The following NUCB2 variants were observed in gnomAD, a reference collection of about 807,000 sequenced individuals.
NUCB2 encodes the protein nucleobindin 2.
A neutral mutation model predicts 57.9 loss-of-function variants in NUCB2; 48 were observed. The ratio of observed to expected loss-of-function variants is 0.83; its 90% CI spans 0.66 to 1.05. NUCB2 has a LOEUF of 1.05. Among genes scored for constraint, NUCB2 ranks in the 50% least tolerant of loss-of-function variants. NUCB2 has a pLI of 0.00. For synonymous variants in NUCB2, 139 were observed against 152.1 expected (o/e 0.91, Z 0.64); for missense variants, 442 against 476.2 (o/e 0.93, Z 0.67).
chr11:17,297,219 G>A (rs528670393), intron 4 of NUCB2, among the ~76,000 whole-genome samples: 323 of 151,940 alleles, frequency 2.1e-3, no homozygotes, highest in Non-Finnish European at 3.7e-3. Flanking sequence ...ATTTATTTAA[G>A]TTTTACTTTC....
intron 11 of NUCB2, among the ~76,000 whole-genome samples, chr11:17,322,488 G>GT (rs1448137348): frequency 6.6e-6 from 1 of 152,022 alleles, no homozygotes; most frequent in Non-Finnish European, 1.5e-5. Flanking sequence ...GTGTTTTGGT[G>GT]ACTATAGTTT....
chr11:17,334,560 T>C (rs1951654480), downstream of NUCB2: 1 of 152,284 alleles, frequency 6.6e-6, no homozygotes, highest in South Asian at 2.1e-4. Context: ...ATGTTCAACT[T>C]TCCTACCTCT....
At chr11:17,311,348 T>G in intron 8 of NUCB2, 65 bp downstream of exon 8, 1 of 1,207,254 alleles carries the variant, frequency 8.3e-7, no homozygotes, top group Non-Finnish European at 1.2e-6. Context: ...GCTTTCCTCT[T>G]AATTGATTTC....
At chr11:17,322,584 A>C (rs1040676035) in intron 11 of NUCB2, among the ~76,000 whole-genome samples, 1 of 152,096 alleles carries the variant, frequency 6.6e-6, no homozygotes, top group African/African-American at 2.4e-5. Context: ...GTAGTTTCAC[A>C]TACATTTTAG....
chr11:17,315,504 A>G (rs1393161908), intron 11 of NUCB2, 29 bp downstream of exon 11: 7 of 1,318,600 alleles, frequency 5.3e-6, no homozygotes, highest in African/African-American at 1.5e-5. Flanking sequence ...AATGAGATGT[A>G]TGGTTCAACA....
chr11:17,327,289 G>C (rs557543631), intron 11 of NUCB2, among the ~76,000 whole-genome samples: 71 of 152,020 alleles, frequency 4.7e-4, no homozygotes, highest in Non-Finnish European at 7.7e-4. Flanking sequence ...TTGAAATCCT[G>C]GTCTCAAGTG....
In NUCB2 at chr11:17,285,661, G is replaced by A. The variant is rs190003565; in HGVS notation, c.-1+2718G>A. 7.9e-3 allele frequency among the ~76,000 whole-genome samples: 1,165 copies of A among 146,806 alleles called. 4 individuals are homozygous for A. Among genetic ancestry groups the A allele is most frequent in the Middle Eastern group, 0.021 (6 of 284 alleles). ...CAGGAGGCTGAGGCAGGAGAATGGT[G>A]TGAACCCGGGAGGCGGAGTTTGCAG... On this transcript the variant is annotated intron_variant, in intron 2 of 13. Coordinates refer to ENST00000529010, the MANE Select transcript of NUCB2 (RefSeq NM_005013.4).
At chr11:17,317,045 T>C (rs565578364) in intron 11 of NUCB2, among the ~76,000 whole-genome samples, 24 of 152,316 alleles carry the variant, frequency 1.6e-4, no homozygotes, top group Admixed American at 1.5e-3. Context: ...GCTAAGATTA[T>C]TTGAATCTAC....
intron 2 of NUCB2, among the ~76,000 whole-genome samples, chr11:17,285,449 C>T (rs1276121148): frequency 7.9e-5 from 12 of 151,952 alleles, no homozygotes; most frequent in South Asian, 2.1e-4. Flanking sequence ...TGGTGGCATG[C>T]GCCTGTAGTC....
At chr11:17,285,370 C>G (rs1591207613) in intron 2 of NUCB2, among the ~76,000 whole-genome samples, 1 of 152,042 alleles carries the variant, frequency 6.6e-6, no homozygotes, top group Admixed American at 6.6e-5. Flanking sequence ...GTCAAGAGAT[C>G]GAGACCAGCC....
chr11:17,322,393 G>A (rs766705391), intron 11 of NUCB2, among the ~76,000 whole-genome samples: 3 of 152,098 alleles, frequency 2.0e-5, no homozygotes, highest in Admixed American at 2.0e-4. Flanking sequence ...TCAAAAATGA[G>A]TTTACAGTAG....
intron 3 of NUCB2, 56 bp downstream of exon 3, chr11:17,295,523 T>C (rs1945693023): frequency 2.2e-6 from 3 of 1,344,790 alleles, no homozygotes; most frequent in Non-Finnish European, 3.2e-6. Context: ...TGAATTATAA[T>C]TGTAACTAAA....
intron 11 of NUCB2, among the ~76,000 whole-genome samples, chr11:17,327,742 T>G (rs1950879813): frequency 6.6e-6 from 1 of 152,118 alleles, no homozygotes; most frequent in African/African-American, 2.4e-5. Flanking sequence ...GTCCGTTCCA[T>G]TTTTTTAACT....
At chr11:17,282,254 A>ATTTT (rs1289280941) in intron 1 of NUCB2, among the ~76,000 whole-genome samples, 3 of 107,898 alleles carry the variant, frequency 2.8e-5, no homozygotes, top group African/African-American at 1.3e-4. Context: ...ATATATATAT[A>ATTTT]TATATTTTTT....
At chr11:17,317,236 A>G (rs74594859) in intron 11 of NUCB2, among the ~76,000 whole-genome samples, 179 of 152,022 alleles carry the variant, frequency 1.2e-3, no homozygotes, top group African/African-American at 3.8e-3. Context: ...TCTATTTTTA[A>G]TCTCTATGTG....
intron 5 of NUCB2, among the ~76,000 whole-genome samples, chr11:17,305,157 C>G (rs1311196278): frequency 6.6e-6 from 1 of 152,104 alleles, no homozygotes; most frequent in African/African-American, 2.4e-5. Context: ...AACCCTGTCT[C>G]TACTAAAAAT....
At chr11:17,349,730 T>C (rs1014071923) in exon 3 of NUCB2, 2 of 152,202 alleles carry the variant, frequency 1.3e-5, no homozygotes, top group African/African-American at 4.8e-5. Flanking sequence ...GGTTGACAAA[T>C]AGCAGTCTCT....
intron 1 of NUCB2, among the ~76,000 whole-genome samples, chr11:17,279,994 T>A (rs1365738463): frequency 6.6e-6 from 1 of 152,082 alleles, no homozygotes; most frequent in Non-Finnish European, 1.5e-5. Flanking sequence ...GGCCTCGCCA[T>A]GTTGTCCAGG....
At chr11:17,289,029 T>C (rs1475674328) in intron 2 of NUCB2, among the ~76,000 whole-genome samples, 1 of 147,026 alleles carries the variant, frequency 6.8e-6, no homozygotes, top group Non-Finnish European at 1.5e-5. Flanking sequence ...GCAGTCTCGC[T>C]CACTGCAACC....
Sources: allele counts gnomAD v4.1 joint callset (sites outside exome capture counted in the v4.1 genomes callset), GRCh38; gene constraint gnomAD v4.1.1; transcripts MANE v1.5; gene names NCBI Gene and HGNC (gene_info 2026-07-23, HGNC 2026-07-21).